The following ARHGAP8 variants were observed in gnomAD, a reference collection of about 807,000 sequenced individuals.
The protein encoded by ARHGAP8 is rho GTPase-activating protein 8.
ARHGAP8 carries 62 observed loss-of-function variants against 46.1 expected under a neutral mutation model. That is an observed-to-expected ratio of 1.34 (90% confidence interval 1.10 to 1.66). ARHGAP8 has a LOEUF of 1.66. ARHGAP8 is among the 40% of genes most tolerant of loss of function. The probability of loss-of-function intolerance (pLI) is 0.00; values close to 1 mark genes in which losing one functional copy is unlikely to be tolerated. For missense variants in ARHGAP8, 923 were observed against 568.4 expected (o/e 1.62, Z -6.34); for synonymous variants, 375 against 243.1 (o/e 1.54, Z -5.05).
chr22:44,819,400 G>A lies in ARHGAP8; in HGVS notation c.387-2971G>A, dbSNP rs1929970773. ...AAATGTTTTTAAGTTGGCTGGGCGT[G>A]GTGGCTCACCCCTGTAATCCCAGCA... On this transcript the variant is annotated intron_variant, in intron 5 of 11. Coordinates refer to ENST00000356099, the MANE Select transcript of ARHGAP8 (RefSeq NM_181335.3). Among the ~76,000 whole-genome samples the A allele has an allele frequency of 2.0e-5, 3 of 152,228 alleles. 1 individual carries two copies. The highest frequency in any genetic ancestry group is 4.1e-4 in the South Asian group (2 of 4,832).
At position 44,857,225 on chromosome 22, in the gene ARHGAP8, C is replaced by A. The variant is rs964522066; in HGVS notation, c.878-2506C>A. 2.0e-5 allele frequency among the ~76,000 whole-genome samples: 3 copies of A among 151,794 alleles called. 1 individual carries two copies. The highest frequency in any genetic ancestry group is 2.4e-5 in the African/African-American group (1 of 41,162). On this transcript the variant is annotated intron_variant, in intron 10 of 11. Transcript: ENST00000356099. ...AAAGTGCTGGTATTATAGGTGTGAG[C>A]CACCACGACCAGTCTTGAGTAAGAA...
intron 11 of ARHGAP8, 91 bp downstream of exon 11, chr22:44,859,925 G>C: frequency 6.9e-7 from 1 of 1,453,622 alleles, no homozygotes; most frequent in Non-Finnish European, 9.3e-7. Flanking sequence ...CTTGCCCTGG[G>C]TCTGGGGTCA....
At chr22:44,833,096 C>CTTTTCTTTTT (rs535842585) in intron 7 of ARHGAP8, among the ~76,000 whole-genome samples, 7 of 120,426 alleles carry the variant, frequency 5.8e-5, no homozygotes, top group African/African-American at 8.9e-5. Context: ...CTTTTCTTTT[C>CTTTTCTTTTT]TTTTTTTTTT....
At position 44,845,254 on chromosome 22, in the gene ARHGAP8, T is replaced by C; in HGVS notation, c.597-15T>C. On this transcript the variant is annotated splice_polypyrimidine_tract_variant and intron_variant, in intron 7 of 11. Transcript: ENST00000356099. ...GCTCAGGTAAAAACTGCGACTTTCT[T>C]TTCTGTTTTCTCAGCCTCAAAGACA... 6.2e-7 allele frequency: 1 copy of C among 1,614,040 alleles called. No homozygotes were observed. Among genetic ancestry groups the C allele is most frequent in the Non-Finnish European group, 8.5e-7 (1 of 1,179,988 alleles).
At position 44,847,989 on chromosome 22, in the gene ARHGAP8, C is replaced by T. The variant is rs2069999336; in HGVS notation, c.687C>T (p.Gly229=). The T allele has an allele frequency of 6.2e-7, 1 of 1,608,028 alleles. No homozygotes were observed. The highest frequency in any genetic ancestry group is 1.3e-5 in the African/African-American group (1 of 75,048). Residue 229 remains glycine (G), a synonymous_variant, in exon 9 of 12, where the codon GGC becomes GGT. Coordinates refer to ENST00000356099, the MANE Select transcript of ARHGAP8 (RefSeq NM_181335.3). ...CTCCTGCAGGCCTGCGCACCGAGGG[C>T]CTGTTCCGGAGATCCGCCAGCGTGC... The part of the protein sequence containing the change: ...YLREKGLRTE[G]LFRRSASVQT...
chr22:44,821,249 T>G (rs535970600), intron 5 of ARHGAP8, among the ~76,000 whole-genome samples: 2,733 of 151,960 alleles, frequency 0.018, 40 homozygotes, highest in Non-Finnish European at 0.027. Context: ...GGCTAACATG[T>G]TGAAACCCCG....
At chr22:44,794,185 C>A (rs1177604699) in intron 2 of ARHGAP8, among the ~76,000 whole-genome samples, 1 of 152,220 alleles carries the variant, frequency 6.6e-6, no homozygotes, top group Non-Finnish European at 1.5e-5. Context: ...CCTACCTGGT[C>A]CGTGGTAACA....
chr22:44,827,732 G>A (rs540715658), intron 7 of ARHGAP8, among the ~76,000 whole-genome samples: 2 of 152,154 alleles, frequency 1.3e-5, no homozygotes, highest in Non-Finnish European at 2.9e-5. Flanking sequence ...GGGTAGTTGC[G>A]AGTATAGGGG....
intron 7 of ARHGAP8, among the ~76,000 whole-genome samples, chr22:44,834,370 A>C (rs1267378480): frequency 1.3e-5 from 2 of 151,992 alleles, no homozygotes; most frequent in Non-Finnish European, 2.9e-5. Flanking sequence ...TTTATCTTGT[A>C]ATTTTTTTCT....
rs568845257 is a variant in ARHGAP8, at chr22:44,851,114, C to G, written c.877+2054C>G. On this transcript the variant is annotated intron_variant, in intron 10 of 11. Transcript: ENST00000356099. The stretch of plus-strand genomic sequence containing the variant: ...AGTGCTACCTCTGCCTCCCAGTCCC[C>G]GGGGAGGGAAGGACCCAGCTCTGGC... Among the ~76,000 whole-genome samples the G allele has an allele frequency of 2.7e-4, 41 of 152,228 alleles. No homozygotes were observed. In the South Asian group the frequency reaches 7.7e-3, roughly 29 times the overall value.
chr22:44,824,258 G>A (rs1930351240), intron 6 of ARHGAP8, among the ~76,000 whole-genome samples: 3 of 152,204 alleles, frequency 2.0e-5, no homozygotes. Context: ...CCCCTCTACA[G>A]TAGGCCCCTC....
chr22:44,796,955 G>A (rs1397708204), intron 2 of ARHGAP8, among the ~76,000 whole-genome samples: 1 of 152,196 alleles, frequency 6.6e-6, no homozygotes, highest in Non-Finnish European at 1.5e-5. Context: ...ACAAGCCGTT[G>A]CAGACATAGA....
intron 7 of ARHGAP8, among the ~76,000 whole-genome samples, chr22:44,837,407 A>G (rs937495667): frequency 1.8e-4 from 27 of 152,080 alleles, no homozygotes; most frequent in African/African-American, 6.5e-4. Context: ...CTGACCAACA[A>G]ACTGTGCTCT....
At chr22:44,756,603 C>G (rs1322410266) in intron 1 of ARHGAP8, among the ~76,000 whole-genome samples, 1 of 137,810 alleles carries the variant, frequency 7.3e-6, no homozygotes. Context: ...CATACACCTA[C>G]CCCCACCCTT....
intron 10 of ARHGAP8, 111 bp from the exon 11 acceptor site, chr22:44,859,620 T>G: frequency 8.6e-7 from 1 of 1,167,124 alleles, no homozygotes; most frequent in Non-Finnish European, 1.2e-6. Context: ...AAATGTGGGA[T>G]AGTCCATCCT....
intron 10 of ARHGAP8, among the ~76,000 whole-genome samples, chr22:44,854,062 A>AAAAAAAAC (rs2070162503): frequency 7.6e-6 from 1 of 131,510 alleles, no homozygotes; most frequent in Admixed American, 7.9e-5. Flanking sequence ...AAAAAAAAAA[A>AAAAAAAAC]CCATCAGACT....
chr22:44,816,404 TCCCGCCCCAAGGGCTACACTGC>T lies in ARHGAP8; in HGVS notation c.386+1651_386+1672del, dbSNP rs528593566. On this transcript the variant is annotated intron_variant, in intron 5 of 11. Coordinates refer to ENST00000356099, the MANE Select transcript of ARHGAP8 (RefSeq NM_181335.3). ...CCTGCCTGTCTTCCCACCAGCCGTC[TCCCGCCCCAAGGGCTACACTGC>T]CCCGTCCCACCCTTGTCCCTGTGTC... Among the ~76,000 whole-genome samples the T allele has an allele frequency of 3.3e-5, 5 of 152,202 alleles. No homozygotes were observed. In the South Asian group the frequency reaches 1.0e-3, roughly 32 times the overall value.
intron 2 of ARHGAP8, among the ~76,000 whole-genome samples, chr22:44,799,912 G>C (rs1166688888): frequency 6.6e-6 from 1 of 151,240 alleles, no homozygotes; most frequent in African/African-American, 2.4e-5. Context: ...TCTGTCTCAG[G>C]GCCCTGGGCA....
chr22:44,804,696 G>A (rs1190579431), intron 3 of ARHGAP8, among the ~76,000 whole-genome samples: 1 of 151,942 alleles, frequency 6.6e-6, no homozygotes, highest in Non-Finnish European at 1.5e-5. Flanking sequence ...TCAGGGAGTG[G>A]GCTCGACCTG....
Sources: gnomAD v4.1 joint callset for allele counts (sites outside exome capture counted in the v4.1 genomes callset) on GRCh38, gnomAD v4.1.1 for gene constraint, MANE v1.5 for transcripts, NCBI Gene and HGNC (gene_info 2026-07-23, HGNC 2026-07-21) for gene names.